CPXM2: variants seen among roughly 807,000 people sequenced by gnomAD.
The protein encoded by CPXM2 is inactive carboxypeptidase-like protein X2.
In CPXM2, 66 loss-of-function variants were observed where a neutral mutation model predicts 86.1. The ratio of observed to expected loss-of-function variants is 0.77; its 90% CI spans 0.63 to 0.94. CPXM2 has a LOEUF of 0.94. Ranked by LOEUF, CPXM2 falls within the 40% of genes least tolerant of loss-of-function variation. CPXM2 has a pLI of 0.00. For synonymous variants in CPXM2, 388 were observed against 400.2 expected (o/e 0.97, Z 0.36); for missense variants, 948 against 1,026.3 (o/e 0.92, Z 1.04).
chr10:123,829,374 A>T (rs964468225), intron 4 of CPXM2, among the ~76,000 whole-genome samples: 1 of 146,884 alleles, frequency 6.8e-6, no homozygotes, highest in Non-Finnish European at 1.5e-5. Flanking sequence ...GTGGAAAAAA[A>T]ATTTTTTTTT....
chr10:123,789,843 G>A (rs911660023), intron 6 of CPXM2, among the ~76,000 whole-genome samples: 2 of 151,992 alleles, frequency 1.3e-5, no homozygotes, highest in African/African-American at 4.8e-5. Flanking sequence ...GGGTGGCCGG[G>A]TGCGGTGGCT....
At chr10:123,913,736 G>C in intron 2 of CPXM2, 1 of 239,162 alleles carries the variant, frequency 4.2e-6, no homozygotes, top group Non-Finnish European at 8.4e-6. Context: ...AGAAGAGGAA[G>C]TGGTGAACAA....
chr10:123,763,166 A>C (rs906470795), intron 10 of CPXM2, among the ~76,000 whole-genome samples: 7 of 152,088 alleles, frequency 4.6e-5, no homozygotes, highest in African/African-American at 1.7e-4. Context: ...CAGCCTCCTG[A>C]CTAGCTGGGA....
intron 2 of CPXM2, chr10:123,913,761 A>C (rs749030065): frequency 1.1e-5 from 3 of 264,726 alleles, no homozygotes; most frequent in Non-Finnish European, 2.3e-5. Context: ...TTCTGTTTCC[A>C]TGGTGACCAG....
intron 2 of CPXM2, among the ~76,000 whole-genome samples, chr10:123,910,318 G>A (rs28739416): frequency 0.15 from 22,416 of 151,936 alleles, 1,896 homozygotes; most frequent in Admixed American, 0.23. Flanking sequence ...GTGCATTTGC[G>A]GCCCTGGAGG....
chr10:123,890,050 A>T (rs1945242667), intron 1 of CPXM2, among the ~76,000 whole-genome samples: 1 of 152,236 alleles, frequency 6.6e-6, no homozygotes. Context: ...CAAGTTACTT[A>T]AACTGTCTGA....
upstream of CPXM2, among the ~76,000 whole-genome samples, chr10:123,893,617 GT>G (rs1207479970): frequency 6.6e-6 from 1 of 152,086 alleles, no homozygotes; most frequent in African/African-American, 2.4e-5. Context: ...GGGCAGGAGG[GT>G]CCCCTTCCCC....
At chr10:123,912,021 G>A (rs1366125789) in intron 2 of CPXM2, among the ~76,000 whole-genome samples, 2 of 152,084 alleles carry the variant, frequency 1.3e-5, no homozygotes, top group African/African-American at 2.4e-5. Context: ...ACTTGGAAGA[G>A]GACCAAGCGG....
At chr10:123,821,245 A>G (rs1353569340) in intron 4 of CPXM2, among the ~76,000 whole-genome samples, 1 of 152,260 alleles carries the variant, frequency 6.6e-6, no homozygotes, top group African/African-American at 2.4e-5. Context: ...GTGGACATAG[A>G]GTTCAAATTT....
intron 10 of CPXM2, among the ~76,000 whole-genome samples, chr10:123,762,730 A>G (rs1050156403): frequency 1.3e-5 from 2 of 152,236 alleles, no homozygotes; most frequent in Admixed American, 6.5e-5. Context: ...AGAAAAAAAG[A>G]AAACGATGTT....
In CPXM2 at chr10:123,885,278, G is replaced by A. The variant is rs1945162722; in HGVS notation, c.305-4969C>T. The stretch of plus-strand genomic sequence containing the variant: ...CCGGAGGCTGGGAGGCTAGAAGGCT[G>A]GGAGGCTGGGAGGCTGGAAGGCTGG... On this transcript the variant is annotated intron_variant, in intron 1 of 13. Transcript: ENST00000241305. This position sits in a 1 kb window ranked among gnomAD's most constrained non-coding sequence, Gnocchi z 4.0. 6.6e-6 allele frequency among the ~76,000 whole-genome samples: 1 copy of A among 152,070 alleles called. No individual in the cohort carries two copies. The highest frequency in any genetic ancestry group is 2.4e-5 in the African/African-American group (1 of 41,402).
intron 1 of CPXM2, among the ~76,000 whole-genome samples, chr10:123,882,936 G>A (rs1945116428): frequency 6.8e-6 from 1 of 148,030 alleles, no homozygotes; most frequent in Non-Finnish European, 1.5e-5. Flanking sequence ...CCATGGTTTA[G>A]GCACCCCCCA....
In CPXM2 at chr10:123,761,471, C is replaced by T. The variant is rs1846336613; in HGVS notation, c.1777+401G>A. On this transcript the variant is annotated intron_variant, in intron 11 of 13. Transcript: ENST00000241305. Reference sequence around the variant, plus strand: ...TCCAGCGCCAGCACCAGCATGCTCTCCACCCCTTCACTGGGTTGGGGTTTC... The same window carrying T: ...TCCAGCGCCAGCACCAGCATGCTCTTCACCCCTTCACTGGGTTGGGGTTTC... 2.6e-5 allele frequency among the ~76,000 whole-genome samples: 4 copies of T among 152,306 alleles called. No individual in the cohort carries two copies. In the South Asian group the frequency reaches 6.2e-4, roughly 24 times the overall value.
chr10:123,920,969 C>G (rs2134278619), intron 2 of CPXM2, among the ~76,000 whole-genome samples: 1 of 152,256 alleles, frequency 6.6e-6, no homozygotes, highest in South Asian at 2.1e-4. Context: ...CTCCAGAACT[C>G]TCAGAAATAA....
At chr10:123,902,688 C>T (rs1945394886) in intron 2 of CPXM2, among the ~76,000 whole-genome samples, 1 of 152,156 alleles carries the variant, frequency 6.6e-6, no homozygotes, top group Non-Finnish European at 1.5e-5. Flanking sequence ...CCCATTCATG[C>T]GGGCTCCTCC....
chr10:123,935,747 C>T (rs563400228), intron 2 of CPXM2, among the ~76,000 whole-genome samples: 2 of 152,250 alleles, frequency 1.3e-5, no homozygotes, highest in Admixed American at 1.3e-4. Flanking sequence ...GCATCATCAC[C>T]ATCATCATCA....
intron 6 of CPXM2, among the ~76,000 whole-genome samples, chr10:123,792,368 A>G (rs1219109698): frequency 2.0e-5 from 3 of 152,188 alleles, no homozygotes; most frequent in African/African-American, 7.2e-5. Flanking sequence ...AATCAAAACA[A>G]GAGCAGCCTC....
At chr10:123,862,504 G>C in intron 3 of CPXM2, 110 bp downstream of exon 3, 2 of 911,316 alleles carry the variant, frequency 2.2e-6, no homozygotes, top group Non-Finnish European at 1.8e-6. Context: ...TTCTTACTGT[G>C]AGCATCCAGG....
intron 6 of CPXM2, among the ~76,000 whole-genome samples, chr10:123,784,183 C>G (rs1038796204): frequency 4.6e-5 from 7 of 152,150 alleles, no homozygotes; most frequent in Admixed American, 6.5e-5. Context: ...TATGGACACA[C>G]ACAGGGGGAA....
Sources: gnomAD v4.1 joint callset for allele counts (sites outside exome capture counted in the v4.1 genomes callset) on GRCh38, gnomAD v4.1.1 for gene constraint, Gnocchi (gnomAD v3.1) non-coding constraint, MANE v1.5 for transcripts, NCBI Gene and HGNC (gene_info 2026-07-23, HGNC 2026-07-21) for gene names.